SCFD2: variants seen among roughly 807,000 people sequenced by gnomAD.
SCFD2 encodes sec1 family domain-containing protein 2.
A neutral mutation model predicts 58.9 loss-of-function variants in SCFD2; 54 were observed. The observed-to-expected ratio is 0.92, with a 90% CI of 0.74 to 1.15. The LOEUF (loss-of-function observed/expected upper bound fraction) is 1.15. Ranked by LOEUF, SCFD2 falls within the 50% of genes most tolerant of loss-of-function variation. The pLI, the probability that SCFD2 is intolerant of heterozygous loss-of-function variation, is 0.00. For missense variants in SCFD2, 805 were observed against 836.6 expected (o/e 0.96, Z 0.47); for synonymous variants, 321 against 335.9 (o/e 0.96, Z 0.49).
intron 3 of SCFD2, among the ~76,000 whole-genome samples, chr4:53,276,455 G>A (rs1225868112): frequency 6.6e-6 from 1 of 152,110 alleles, no homozygotes; most frequent in East Asian, 1.9e-4. Flanking sequence ...GTTTCATTTA[G>A]TTATTTTTTT....
At chr4:52,981,524 T>C (rs906832776) in intron 5 of SCFD2, among the ~76,000 whole-genome samples, 2 of 152,168 alleles carry the variant, frequency 1.3e-5, no homozygotes, top group Admixed American at 6.5e-5. Flanking sequence ...TAGAGGGTTA[T>C]TAGAAGATAA....
intron 3 of SCFD2, among the ~76,000 whole-genome samples, chr4:53,301,850 C>A (rs1230567065): frequency 6.6e-6 from 1 of 152,080 alleles, no homozygotes; most frequent in Non-Finnish European, 1.5e-5. Flanking sequence ...AAGACAAAAA[C>A]CACACGACTA....
intron 3 of SCFD2, among the ~76,000 whole-genome samples, chr4:53,300,516 C>T (rs1732240798): frequency 1.3e-5 from 2 of 152,166 alleles, no homozygotes; most frequent in South Asian, 2.1e-4. Context: ...TTTAACACCC[C>T]ACTGTCCACA....
chr4:53,271,058 G>C (rs1276351454), intron 4 of SCFD2, among the ~76,000 whole-genome samples: 4 of 151,478 alleles, frequency 2.6e-5, no homozygotes, highest in Non-Finnish European at 5.9e-5. Flanking sequence ...TTTTTGCCTT[G>C]ATGGAAAAAA....
chr4:52,889,811 T>C (rs1718839458), intron 7 of SCFD2, among the ~76,000 whole-genome samples: 1 of 152,184 alleles, frequency 6.6e-6, no homozygotes, highest in African/African-American at 2.4e-5. Context: ...CAGGCAATCA[T>C]CATCTTGAAC....
intron 2 of SCFD2, among the ~76,000 whole-genome samples, chr4:53,332,112 A>G (rs1339398313): frequency 1.3e-5 from 2 of 152,006 alleles, no homozygotes; most frequent in Admixed American, 1.3e-4. Context: ...TCAATAGTTT[A>G]CCAACCAAAA....
intron 2 of SCFD2, among the ~76,000 whole-genome samples, chr4:53,347,317 TCCATCA>T (rs1001884992): frequency 6.6e-6 from 1 of 152,180 alleles, no homozygotes; most frequent in African/African-American, 2.4e-5. Context: ...CCTGGCAGCA[TCCATCA>T]CCATGTGTTC....
chr4:52,983,856 T>C (rs1721431413), intron 5 of SCFD2, among the ~76,000 whole-genome samples: 1 of 152,346 alleles, frequency 6.6e-6, no homozygotes, highest in African/African-American at 2.4e-5. Flanking sequence ...TATATTTGTT[T>C]TAGGAGTTAA....
rs73816161 is a variant in SCFD2, at chr4:53,347,533, T to C, written c.1007+5065A>G. 5.4e-3 allele frequency among the ~76,000 whole-genome samples: 812 copies of C among 150,076 alleles called. 12 individuals are homozygous for C. Among genetic ancestry groups the C allele is most frequent in the African/African-American group, 0.019 (768 of 40,806 alleles). ...GTAAGTGCTATGGAGGAAAAAAAAA[T>C]GAAATAGGGAAGGGGACATGAAGTG... On this transcript the variant is annotated intron_variant, in intron 2 of 8. Transcript: ENST00000401642.
intron 5 of SCFD2, among the ~76,000 whole-genome samples, chr4:53,126,347 CAG>C (rs1182950602): frequency 1.3e-5 from 2 of 152,200 alleles, no homozygotes; most frequent in African/African-American, 2.4e-5. Context: ...TGTTTTGAGA[CAG>C]AGTCTTGCTC....
intron 4 of SCFD2, among the ~76,000 whole-genome samples, chr4:53,222,116 T>A (rs1323458528): frequency 1.3e-5 from 2 of 152,214 alleles, no homozygotes; most frequent in East Asian, 3.8e-4. Context: ...TATATTACCA[T>A]CTCATCTGGA....
rs555188992 is a variant in SCFD2, at chr4:53,212,966, G to C, written c.1311+60860C>G. Among the ~76,000 whole-genome samples the C allele has an allele frequency of 2.6e-5, 4 of 152,030 alleles. No individual in the cohort carries two copies. In the East Asian group the frequency reaches 7.7e-4, roughly 29 times the overall value. On this transcript the variant is annotated intron_variant, in intron 4 of 8. Coordinates refer to ENST00000401642, the MANE Select transcript of SCFD2 (RefSeq NM_152540.4). ...CCAGCAAACTAGGTGCAGGTAGACA[G>C]GTGGCCAAGGAAAATATTCAGCCTG...
At chr4:53,121,573 C>T (rs1172169569) in intron 5 of SCFD2, among the ~76,000 whole-genome samples, 2 of 152,210 alleles carry the variant, frequency 1.3e-5, no homozygotes, top group African/African-American at 2.4e-5. Context: ...TGGGAACATG[C>T]TGTTATGGAC....
At chr4:53,256,546 A>G (rs1284467252) in intron 4 of SCFD2, among the ~76,000 whole-genome samples, 2 of 152,128 alleles carry the variant, frequency 1.3e-5, no homozygotes, top group Non-Finnish European at 2.9e-5. Context: ...AGGTGGTTGT[A>G]GTGAGCTGAG....
chr4:53,177,252 A>G (rs1343761209), intron 4 of SCFD2, among the ~76,000 whole-genome samples: 1 of 152,190 alleles, frequency 6.6e-6, no homozygotes, highest in East Asian at 1.9e-4. Flanking sequence ...GATAAAACAG[A>G]GAGTTAGTTG....
chr4:53,315,144 G>A (rs1449496130), intron 2 of SCFD2, among the ~76,000 whole-genome samples: 2 of 150,784 alleles, frequency 1.3e-5, no homozygotes, highest in African/African-American at 2.4e-5. Context: ...GATAGGGACT[G>A]AAGGAATGAT....
At chr4:53,215,957 G>A (rs1285780405) in intron 4 of SCFD2, among the ~76,000 whole-genome samples, 1 of 152,132 alleles carries the variant, frequency 6.6e-6, no homozygotes, top group Non-Finnish European at 1.5e-5. Context: ...TTATTGATTT[G>A]CTTACGTTGA....
At chr4:53,252,497 A>G (rs1413022263) in intron 4 of SCFD2, among the ~76,000 whole-genome samples, 158 of 151,088 alleles carry the variant, frequency 1.0e-3, no homozygotes, top group Non-Finnish European at 1.9e-3. Flanking sequence ...CTACAAGGCT[A>G]CAGTAACCAA....
intron 5 of SCFD2, among the ~76,000 whole-genome samples, chr4:52,937,963 A>G (rs1220930167): frequency 1.3e-5 from 2 of 152,214 alleles, no homozygotes; most frequent in Non-Finnish European, 2.9e-5. Context: ...TCACAAAGGT[A>G]GTGCTCATAC....
Sources: gnomAD v4.1 joint callset for allele counts (sites outside exome capture counted in the v4.1 genomes callset) on GRCh38, gnomAD v4.1.1 for gene constraint, MANE v1.5 for transcripts, NCBI Gene and HGNC (gene_info 2026-07-23, HGNC 2026-07-21) for gene names.